Variants in RSF1 observed in about 807,000 individuals in gnomAD.
The protein encoded by RSF1 is remodeling and spacing factor 1.
RSF1 carries 13 observed loss-of-function variants against 145.2 expected under a neutral mutation model. The observed-to-expected ratio is 0.09, with a 90% CI of 0.06 to 0.14. The LOEUF is 0.14. Ranked by LOEUF, RSF1 falls within the 10% of genes least tolerant of loss-of-function variation. RSF1 has a pLI of 1.00. For synonymous variants in RSF1, 577 were observed against 592.6 expected (o/e 0.97, Z 0.38); for missense variants, 1,517 against 1,718.2 (o/e 0.88, Z 2.07).
rs528297132 is a variant in RSF1 at position 77,684,083 on chromosome 11, C to T, written c.2956-264G>A. On this transcript the variant is annotated intron_variant, in intron 10 of 15. Transcript: ENST00000308488. ...TAACCAGTACTTGTTTTAAAACAGTCATGATGAAGTTTTTCCATTGATAAA... is the reference window on the plus strand; with the variant it reads ...TAACCAGTACTTGTTTTAAAACAGTTATGATGAAGTTTTTCCATTGATAAA... Among the ~76,000 whole-genome samples, 2 of 152,242 alleles carry T rather than the reference C, an allele frequency of 1.3e-5. 1 individual carries two copies. The highest frequency in any genetic ancestry group is 4.8e-5 in the African/African-American group (2 of 41,554).
intron 9 of RSF1, among the ~76,000 whole-genome samples, chr11:77,687,089 G>A (rs1433161348): frequency 6.6e-6 from 1 of 152,120 alleles, no homozygotes; most frequent in Non-Finnish European, 1.5e-5. Context: ...AATGACGATG[G>A]CTAGAATTTA....
upstream of RSF1, among the ~76,000 whole-genome samples, chr11:77,825,464 A>T (rs1230902644): frequency 1.3e-5 from 2 of 152,142 alleles, no homozygotes; most frequent in South Asian, 2.1e-4. Flanking sequence ...AGGTATATGG[A>T]CTTAATATTA....
the RSF1 span, among the ~76,000 whole-genome samples, chr11:77,831,373 A>C: frequency 6.6e-6 from 1 of 152,206 alleles, no homozygotes; most frequent in Non-Finnish European, 1.5e-5. Flanking sequence ...GCATATGTCC[A>C]TGAAAAAATT....
At chr11:77,820,404 G>C in intron 1 of RSF1, 124 bp downstream of exon 1, 1 of 1,035,194 alleles carries the variant, frequency 9.7e-7, no homozygotes, top group Non-Finnish European at 1.4e-6. Context: ...CGGCGGAGTT[G>C]CGTCCCAGGG....
chr11:77,679,083 G>A (rs1337227218), intron 11 of RSF1, among the ~76,000 whole-genome samples: 1 of 152,086 alleles, frequency 6.6e-6, no homozygotes, highest in South Asian at 2.1e-4. Context: ...CTCTGCTATT[G>A]TAGTGCAAAG....
chr11:77,785,972 A>G (rs1343530883), intron 1 of RSF1, among the ~76,000 whole-genome samples: 2 of 107,572 alleles, frequency 1.9e-5, no homozygotes, highest in Non-Finnish European at 3.6e-5. Flanking sequence ...ACGTAGATCT[A>G]TTTGTTAAAC....
In RSF1 at chr11:77,769,897, T is replaced by C. The variant is rs569309939; in HGVS notation, c.188-5208A>G. On this transcript the variant is annotated intron_variant, in intron 1 of 15. Transcript: ENST00000308488. Reference sequence around the variant, plus strand: ...AACAGTTGACACTTTATCTAGGCCATTGATAAAAGAACATTTATTTCAGAC... The same window carrying C: ...AACAGTTGACACTTTATCTAGGCCACTGATAAAAGAACATTTATTTCAGAC... Among the ~76,000 whole-genome samples, 227 of 152,358 alleles carry C rather than the reference T, an allele frequency of 1.5e-3. 1 individual carries two copies. Among genetic ancestry groups the C allele is most frequent in the African/African-American group, 5.1e-3 (214 of 41,580 alleles).
chr11:77,680,620 T>C (rs571216760), intron 11 of RSF1, among the ~76,000 whole-genome samples: 1 of 152,308 alleles, frequency 6.6e-6, no homozygotes, highest in South Asian at 2.1e-4. Context: ...AGTTAGAATA[T>C]ATAATTTCAA....
the RSF1 span, among the ~76,000 whole-genome samples, chr11:77,869,449 G>A: frequency 5.9e-5 from 9 of 151,366 alleles, no homozygotes; most frequent in Admixed American, 4.6e-4. Context: ...GAGTAGCTGG[G>A]ACTACAAGCA....
chr11:77,779,446 G>A (rs1242620857), intron 1 of RSF1, among the ~76,000 whole-genome samples: 4 of 151,112 alleles, frequency 2.6e-5, no homozygotes, highest in Non-Finnish European at 4.4e-5. Flanking sequence ...GCAATGGCGC[G>A]ATCTTGGCTC....
rs191561898 is a variant in RSF1, at chr11:77,781,229, C to T, written c.188-16540G>A. On this transcript the variant is annotated intron_variant, in intron 1 of 15. Coordinates refer to ENST00000308488, the MANE Select transcript of RSF1 (RefSeq NM_016578.4). ...AATTCTCCTGCCTCAGCCCCGAGTA[C>T]CTGGGATTACAGGCATGTGCCACCA... is the stretch of plus-strand genomic sequence containing the variant. Among the ~76,000 whole-genome samples the T allele has an allele frequency of 5.1e-4, 78 of 152,004 alleles. 1 individual carries two copies. In the Middle Eastern group the frequency reaches 0.017, roughly 33 times the overall value.
At chr11:77,739,846 A>T (rs1326944084) in intron 4 of RSF1, among the ~76,000 whole-genome samples, 2 of 152,236 alleles carry the variant, frequency 1.3e-5, no homozygotes, top group Non-Finnish European at 2.9e-5. Flanking sequence ...TATTACTCAT[A>T]GGGTTTAGGT....
chr11:77,734,010 G>C (rs1410292920), intron 4 of RSF1, among the ~76,000 whole-genome samples: 1 of 151,844 alleles, frequency 6.6e-6, no homozygotes, highest in Non-Finnish European at 1.5e-5. Flanking sequence ...TAATGCTTTT[G>C]TGGCAATTCT....
intron 12 of RSF1, 129 bp downstream of exon 12, chr11:77,677,957 T>C: frequency 1.7e-6 from 1 of 602,830 alleles, no homozygotes; most frequent in Admixed American, 2.4e-5. Context: ...CTGAGACAAC[T>C]AACATCAGTA....
chr11:77,870,390 G>A, the RSF1 span, among the ~76,000 whole-genome samples: 1 of 136,746 alleles, frequency 7.3e-6, no homozygotes, highest in Non-Finnish European at 1.5e-5. Context: ...CAGGCTGAGT[G>A]CAGTGGCGCC....
chr11:77,707,980 AG>A (rs1251524873), intron 5 of RSF1, among the ~76,000 whole-genome samples: 1 of 152,248 alleles, frequency 6.6e-6, no homozygotes, highest in Non-Finnish European at 1.5e-5. Context: ...TCTTGATAAT[AG>A]GATAACAACT....
chr11:77,676,964 C>T lies in RSF1; in HGVS notation c.3169G>A (p.Gly1057Ser), dbSNP rs992887593. ...GTAGAGATGTCTTTCCCACGATGAC[C>T]TGTGATGGTGGAGATATCTTTTCCT... ...GRGKDISTIT[G>S]HRGKDISTIL... is the part of the protein sequence containing the mutation. The change falls in exon 13 of 16, where the codon GGT becomes AGT. Residue 1057 changes from glycine to serine, a missense_variant. By Grantham distance (56) the Gly-to-Ser change is moderately conservative (BLOSUM62 0). This residue lies in a region of RSF1 where 231 missense variants were observed against 276.6 expected (regional missense o/e 0.84). Coordinates refer to ENST00000308488, the MANE Select transcript of RSF1 (RefSeq NM_016578.4). 3.1e-6 allele frequency: 5 copies of T among 1,613,086 alleles called. No homozygotes were observed. In the African/African-American group the frequency reaches 5.3e-5, roughly 17 times the overall value.
the RSF1 span, among the ~76,000 whole-genome samples, chr11:77,838,936 C>G: frequency 6.6e-6 from 1 of 152,126 alleles, no homozygotes; most frequent in Non-Finnish European, 1.5e-5. Flanking sequence ...CTTTTACTTA[C>G]TGTGCTTACC....
the RSF1 span, among the ~76,000 whole-genome samples, chr11:77,853,464 G>C: frequency 6.6e-6 from 1 of 152,028 alleles, no homozygotes; most frequent in African/African-American, 2.4e-5. Context: ...GAACTCATGA[G>C]AATTCACTCA....
Sources: allele counts gnomAD v4.1 joint callset (sites outside exome capture counted in the v4.1 genomes callset), GRCh38; gene constraint gnomAD v4.1.1; regional missense constraint gnomAD v4.1.1; transcripts MANE v1.5; gene names NCBI Gene and HGNC (gene_info 2026-07-23, HGNC 2026-07-21).